ST3GAL3: variants seen among roughly 807,000 people sequenced by gnomAD.
ST3GAL3 encodes ST3 beta-galactoside alpha-2,3-sialyltransferase 3, also known as CMP-N-acetylneuraminate-beta-1,4-galactoside alpha-2,3-sialyltransferase.
In ST3GAL3, 21 loss-of-function variants were observed where a neutral mutation model predicts 50.1. The ratio of observed to expected loss-of-function variants is 0.42; its 90% confidence interval spans 0.30 to 0.60. The LOEUF (loss-of-function observed/expected upper bound fraction) is 0.60. Ranked by LOEUF, ST3GAL3 falls within the 20% of genes least tolerant of loss-of-function variation. ST3GAL3 has a pLI of 0.19. For synonymous variants in ST3GAL3, 183 were observed against 190.0 expected (o/e 0.96, Z 0.30); for missense variants, 353 against 489.4 (o/e 0.72, Z 2.63).
Position 43,736,256 on chromosome 1 carries a change from T to C in ST3GAL3, c.-7T>C, listed in dbSNP as rs765241781. 40 of 1,614,078 alleles carry C rather than the reference T, an allele frequency of 2.5e-5. No individual in the cohort carries two copies. Among genetic ancestry groups the C allele is most frequent in the African/African-American group, 2.7e-5 (2 of 74,936 alleles). The stretch of plus-strand genomic sequence containing the variant: ...AGGTCATTTAGGAAATCGTAAATCA[T>C]GTGAAGATGGGACTCTTGGTATTTG... On this transcript the variant is annotated 5_prime_UTR_variant, in exon 2 of 12. It removes an upstream start codon present in the reference 5' UTR. Coordinates refer to ENST00000347631, the MANE Select transcript of ST3GAL3 (RefSeq NM_006279.5).
Position 43,792,096 on chromosome 1 carries a change from T to C in ST3GAL3, c.119-6T>C, listed in dbSNP as rs759949595. On this transcript the variant is annotated splice_region_variant and splice_polypyrimidine_tract_variant and intron_variant, in intron 2 of 11. Transcript: ENST00000347631. ...AAAGAAATGAACTTGTCCTCTTGTG[T>C]TGCAGATTCAGTGGTTCTTTCCTTT... The C allele has an allele frequency of 2.5e-6, 4 of 1,614,234 alleles. No individual in the cohort carries two copies. The highest frequency in any genetic ancestry group is 3.4e-6 in the Non-Finnish European group (4 of 1,180,022).
At chr1:43,893,474 G>C (rs2076935958) in intron 5 of ST3GAL3, among the ~76,000 whole-genome samples, 1 of 152,220 alleles carries the variant, frequency 6.6e-6, no homozygotes, top group Non-Finnish European at 1.5e-5. Flanking sequence ...ATGTGAAGTT[G>C]TGCTCTCCAG....
chr1:43,845,635 A>G (rs1285350484), intron 5 of ST3GAL3, among the ~76,000 whole-genome samples: 1 of 151,754 alleles, frequency 6.6e-6, no homozygotes, highest in Non-Finnish European at 1.5e-5. Context: ...CCACTATATC[A>G]TTGATTTCTG....
chr1:43,882,637 A>G (rs902927354), intron 5 of ST3GAL3, among the ~76,000 whole-genome samples: 7 of 152,218 alleles, frequency 4.6e-5, no homozygotes, highest in African/African-American at 1.7e-4. Context: ...TTAAAGGGCC[A>G]GATAGTAGAT....
At chr1:43,839,325 T>G (rs1220404878) in intron 5 of ST3GAL3, 1 of 152,236 alleles carries the variant, frequency 6.6e-6, no homozygotes, top group Non-Finnish European at 1.5e-5. Flanking sequence ...ATTCCAAATA[T>G]TTTGCTTCCT....
At chr1:43,785,065 G>C (rs915834290) in intron 2 of ST3GAL3, among the ~76,000 whole-genome samples, 1 of 151,428 alleles carries the variant, frequency 6.6e-6, no homozygotes, top group Admixed American at 6.6e-5. Flanking sequence ...ATTTACTCAG[G>C]TTTTGTTTGG....
At chr1:43,850,122 AACTT>A (rs2067001606) in intron 5 of ST3GAL3, among the ~76,000 whole-genome samples, 1 of 152,246 alleles carries the variant, frequency 6.6e-6, no homozygotes, top group African/African-American at 2.4e-5. Context: ...ATAACAATGA[AACTT>A]AAACAAATTT....
At chr1:43,883,576 G>A (rs915524078) in intron 5 of ST3GAL3, among the ~76,000 whole-genome samples, 1 of 152,200 alleles carries the variant, frequency 6.6e-6, no homozygotes, top group Non-Finnish European at 1.5e-5. Flanking sequence ...TTCCTTCTGT[G>A]CAGTATTTGC....
rs1314989975 is a variant in ST3GAL3, at chr1:43,838,567, C to T, written c.302+256C>T. 9.1e-6 allele frequency: 4 copies of T among 438,676 alleles called. 1 individual carries two copies. Among genetic ancestry groups the T allele is most frequent in the South Asian group, 4.1e-5 (2 of 48,878 alleles). The allele number at this position is 438,676 out of a possible 1,614,324, so 27.2% of individuals were successfully genotyped here. A position where few individuals can be genotyped will look rare whatever the true frequency, so the allele number is the denominator to read the frequency against. ...GCAGAAGGATAACCTACATGGTTGC[C>T]GCATGCAAGCCAGGTATCCAGAGGC... On this transcript the variant is annotated intron_variant, in intron 5 of 11. Coordinates refer to ENST00000347631, the MANE Select transcript of ST3GAL3 (RefSeq NM_006279.5).
chr1:43,917,478 A>G (rs2082042493), intron 9 of ST3GAL3, among the ~76,000 whole-genome samples: 2 of 81,712 alleles, frequency 2.4e-5, no homozygotes, highest in Non-Finnish European at 2.3e-5. Flanking sequence ...TATATAATAT[A>G]TATAATATAT....
rs142430684 is a variant in ST3GAL3, at chr1:43,870,877, G to A, written c.303-23506G>A. 8.9e-4 allele frequency among the ~76,000 whole-genome samples: 136 copies of A among 152,298 alleles called. 2 individuals carry two copies. The East Asian group carries it at 0.026, about 29-fold the overall frequency. On this transcript the variant is annotated intron_variant, in intron 5 of 11. Coordinates refer to ENST00000347631, the MANE Select transcript of ST3GAL3 (RefSeq NM_006279.5). ...AGGGAACCCCAAAACTGTTGAGCATGGAGAAGGCCAAGTGGGCCAGGAGTC... is the reference window on the plus strand; with the variant it reads ...AGGGAACCCCAAAACTGTTGAGCATAGAGAAGGCCAAGTGGGCCAGGAGTC...
intron 1 of ST3GAL3, among the ~76,000 whole-genome samples, chr1:43,734,308 GT>G (rs11338876): frequency 0.29 from 33,219 of 112,682 alleles, 2,820 homozygotes; most frequent in African/African-American, 0.41. Context: ...TTTTTTTTTT[GT>G]TTTTTTTTTT....
intron 3 of ST3GAL3, among the ~76,000 whole-genome samples, chr1:43,797,632 C>G (rs2058829892): frequency 6.6e-6 from 1 of 152,168 alleles, no homozygotes; most frequent in Non-Finnish European, 1.5e-5. Context: ...TAGAAAGGAA[C>G]TTCTTCATCC....
At chr1:43,870,714 C>T (rs1422048565) in intron 5 of ST3GAL3, among the ~76,000 whole-genome samples, 1 of 152,008 alleles carries the variant, frequency 6.6e-6, no homozygotes, top group Non-Finnish European at 1.5e-5. Flanking sequence ...GTGAACTGTT[C>T]CCGGGAGAGC....
intron 9 of ST3GAL3, chr1:43,919,505 AAG>A (rs2082673893): frequency 6.6e-6 from 1 of 152,408 alleles, no homozygotes; most frequent in South Asian, 2.1e-4. Flanking sequence ...AAGGTAGAAA[AAG>A]AGGATGTATG....
In ST3GAL3 at chr1:43,899,866, C is replaced by T. The variant is rs958086755; in HGVS notation, c.744+139C>T. On this transcript the variant is annotated intron_variant, in intron 9 of 11. Transcript: ENST00000347631. The surrounding 1 kb of genome is among the most constrained non-coding windows in gnomAD (Gnocchi z 5.4). The stretch of plus-strand genomic sequence containing the variant: ...TTAATGACCCAAAGCCGAAATCACC[C>T]AATGGCAACCAGGGGGCAAAGAGGT... The T allele has an allele frequency of 2.5e-5, 22 of 879,240 alleles. No homozygotes were observed. The African/African-American group carries it at 3.1e-4, about 13-fold the overall frequency. 54.5% of individuals were successfully genotyped at this position (879,240 alleles called of 1,614,324 possible). A position where few individuals can be genotyped will look rare whatever the true frequency, so the allele number is the denominator to read the frequency against.
intron 5 of ST3GAL3, among the ~76,000 whole-genome samples, chr1:43,878,142 T>C (rs1450517789): frequency 6.6e-6 from 1 of 152,168 alleles, no homozygotes; most frequent in African/African-American, 2.4e-5. Flanking sequence ...GCATCTCTTG[T>C]CTCGTGGCCG....
chr1:43,838,640 T>C (rs1485792581), intron 5 of ST3GAL3: 1 of 326,270 alleles, frequency 3.1e-6, no homozygotes, highest in South Asian at 3.0e-5. Flanking sequence ...CTAGTATCAG[T>C]GGCCAAAGAA....
chr1:43,905,927 C>T (rs1287280572), intron 9 of ST3GAL3, among the ~76,000 whole-genome samples: 4 of 106,930 alleles, frequency 3.7e-5, no homozygotes, highest in Non-Finnish European at 4.0e-5. Flanking sequence ...TCCCACCACT[C>T]TTCCCCCTCC....
Sources: gnomAD v4.1 joint callset for allele counts (sites outside exome capture counted in the v4.1 genomes callset) on GRCh38, gnomAD v4.1.1 for gene constraint, Gnocchi (gnomAD v3.1) non-coding constraint, MANE v1.5 for transcripts, NCBI Gene and HGNC (gene_info 2026-07-23, HGNC 2026-07-21) for gene names.